HNRNPUL1: variants seen among roughly 807,000 people sequenced by gnomAD.
HNRNPUL1 encodes heterogeneous nuclear ribonucleoprotein U-like protein 1.
In HNRNPUL1, 14 loss-of-function variants were observed where a neutral mutation model predicts 108.5. The observed-to-expected ratio is 0.13, with a 90% CI of 0.09 to 0.20. The LOEUF is 0.20. Among genes scored for constraint, HNRNPUL1 ranks in the 10% least tolerant of loss-of-function variants. The pLI is 1.00. For synonymous variants in HNRNPUL1, 422 were observed against 445.2 expected (o/e 0.95, Z 0.66); for missense variants, 804 against 1,168.3 (o/e 0.69, Z 4.55).
chr19:41,265,407 C>G (rs2034769552), intron 1 of HNRNPUL1: 3 of 1,484,622 alleles, frequency 2.0e-6, no homozygotes, highest in Non-Finnish European at 2.7e-6. Context: ...TCCTAATGGA[C>G]TCAGTGCTTT....
At chr19:41,275,625 C>T (rs1406964602) in intron 4 of HNRNPUL1, among the ~76,000 whole-genome samples, 1 of 152,198 alleles carries the variant, frequency 6.6e-6, no homozygotes, top group East Asian at 1.9e-4. Flanking sequence ...AGATAAAGAA[C>T]CCCAGTTCCT....
At position 41,294,997 on chromosome 19, in the gene HNRNPUL1, G is replaced by C. The variant is rs778498215; in HGVS notation, c.1518+311G>C. Reference sequence around the variant, plus strand: ...GAGACTGGAGCTTGAATGCCAGCTCGGCTACTCCCTAGCTCTGTGCCTTTG... The same window carrying C: ...GAGACTGGAGCTTGAATGCCAGCTCCGCTACTCCCTAGCTCTGTGCCTTTG... On this transcript the variant is annotated intron_variant, in intron 10 of 14. Coordinates refer to ENST00000392006, the MANE Select transcript of HNRNPUL1 (RefSeq NM_007040.6). The surrounding 1 kb of genome is among the most constrained non-coding windows in gnomAD (Gnocchi z 4.3). Among the ~76,000 whole-genome samples the C allele has an allele frequency of 2.6e-5, 4 of 152,142 alleles. No individual in the cohort carries two copies. Among genetic ancestry groups the C allele is most frequent in the Non-Finnish European group, 5.9e-5 (4 of 68,020 alleles).
chr19:41,304,143 C>A lies in HNRNPUL1; in HGVS notation c.2144C>A (p.Pro715His), dbSNP rs1412701173. The A allele has an allele frequency of 6.2e-7, 1 of 1,614,058 alleles. No homozygotes were observed. The highest frequency in any genetic ancestry group is 1.7e-5 in the Admixed American group (1 of 60,004). The change falls in exon 13 of 15, where the codon CCC (proline) becomes CAC (histidine). Residue 715 changes from proline (P) to histidine (H), a missense_variant. By Grantham distance (77) the Pro-to-His change is moderately conservative. Around this residue, in one of 4 missense-constraint regions of HNRNPUL1, gnomAD observed 294 missense variants for 388.3 expected, o/e 0.76. Transcript: ENST00000392006. ...CCACCCCAGCAGCCACCGCCACCAC[C>A]CAGCTACAGCCCTGCTCGGAACCCC... is the stretch of plus-strand genomic sequence containing the variant. ...QPPPQQPPPP[P>H]SYSPARNPPG...
At chr19:41,265,350 G>A in intron 1 of HNRNPUL1, 1 of 1,511,934 alleles carries the variant, frequency 6.6e-7, no homozygotes, top group Non-Finnish European at 8.9e-7. Context: ...TTGGGTACGG[G>A]GGTGGGTGGG....
intron 2 of HNRNPUL1, 150 bp downstream of exon 2, chr19:41,268,495 T>A: frequency 1.2e-6 from 1 of 836,356 alleles, no homozygotes; most frequent in Non-Finnish European, 1.8e-6. Flanking sequence ...AAGAATTGTT[T>A]AAAGGAAAGA....
chr19:41,306,424 T>C, intron 14 of HNRNPUL1, 25 bp from the exon 15 acceptor site: 2 of 1,518,048 alleles, frequency 1.3e-6, no homozygotes, highest in Non-Finnish European at 1.8e-6. Context: ...CAGGACAACT[T>C]GGTGTTCTTG....
At position 41,274,074 on chromosome 19, in the gene HNRNPUL1, C is replaced by T. The variant is rs1377460857; in HGVS notation, c.646+19C>T. 1.2e-6 allele frequency: 2 copies of T among 1,600,758 alleles called. No homozygotes were observed. Among genetic ancestry groups the T allele is most frequent in the South Asian group, 2.2e-5 (2 of 90,790 alleles). On this transcript the variant is annotated intron_variant, in intron 4 of 14. Coordinates refer to ENST00000392006, the MANE Select transcript of HNRNPUL1 (RefSeq NM_007040.6). ...GACACCTGTAAGTCTTTGGAGTGTG[C>T]ATCTAATTCTGCCTTACAGTCAGTA...
chr19:41,305,836 A>G lies in HNRNPUL1; in HGVS notation c.2423A>G (p.Tyr808Cys). The change falls in exon 14 of 15, where the codon TAC becomes TGC. Residue 808 changes from tyrosine to cysteine, a missense_variant. By Grantham distance (194) the Tyr-to-Cys change is radical. This residue lies in a region of HNRNPUL1 where 294 missense variants were observed against 388.3 expected (regional missense o/e 0.76). Transcript: ENST00000392006. ...TPPPPPTAQT[Y>C]PQPSYNQYQQ... Reference sequence around the variant, plus strand: ...CCGCCACCCCCCACTGCACAGACCTACCCTCAGCCCAGCTATAACCAGTAT... The same window carrying G: ...CCGCCACCCCCCACTGCACAGACCTGCCCTCAGCCCAGCTATAACCAGTAT... 6.2e-7 allele frequency: 1 copy of G among 1,607,842 alleles called. No individual in the cohort carries two copies. The highest frequency in any genetic ancestry group is 8.5e-7 in the Non-Finnish European group (1 of 1,177,948).
upstream of HNRNPUL1, among the ~76,000 whole-genome samples, chr19:41,263,451 A>G (rs1425586540): frequency 3.9e-5 from 6 of 152,052 alleles, no homozygotes. Context: ...GGAAGGCTCT[A>G]TGGTCGCGTG....
At position 41,279,300 on chromosome 19, in the gene HNRNPUL1, A is replaced by C. The variant is rs375984685; in HGVS notation, c.886+124A>C. On this transcript the variant is annotated intron_variant, in intron 6 of 14. Transcript: ENST00000392006. ...GAATAGAACTAGGCTGAAGTGGAACAGGTACAAGGATTAGGTATATGCCAC... is the reference window on the plus strand; with the variant it reads ...GAATAGAACTAGGCTGAAGTGGAACCGGTACAAGGATTAGGTATATGCCAC... 2.6e-4 allele frequency: 175 copies of C among 664,524 alleles called. 2 individuals are homozygous for C. In the African/African-American group the frequency reaches 2.9e-3, roughly 11 times the overall value. 41.2% of individuals were successfully genotyped at this position (664,524 alleles called of 1,614,324 possible).
At chr19:41,281,342 T>A in intron 7 of HNRNPUL1, 67 bp downstream of exon 7, 1 of 1,030,848 alleles carries the variant, frequency 9.7e-7, no homozygotes. Flanking sequence ...TTTTTCAGGA[T>A]ACCTCTATCC....
Position 41,284,107 on chromosome 19 carries a change from C to T in HNRNPUL1, c.999+2832C>T, listed in dbSNP as rs561256180. On this transcript the variant is annotated intron_variant, in intron 7 of 14. Transcript: ENST00000392006. ...AATCATGTTACTGCAATATCATAAGCCTTGAGTAGCACCATGGGATCCATA... is the reference window on the plus strand; with the variant it reads ...AATCATGTTACTGCAATATCATAAGTCTTGAGTAGCACCATGGGATCCATA... Among the ~76,000 whole-genome samples the T allele has an allele frequency of 8.5e-5, 13 of 152,212 alleles. No homozygotes were observed. In the South Asian group the frequency reaches 2.5e-3, roughly 29 times the overall value.
chr19:41,302,525 CTA>C, intron 11 of HNRNPUL1, 138 bp from the exon 12 acceptor site: 2 of 1,132,236 alleles, frequency 1.8e-6, no homozygotes, highest in Admixed American at 1.8e-5. Context: ...GCCCTTCTGT[CTA>C]TGTCTTTCTT....
chr19:41,290,122 AGGGAGG>A (rs1477689839), intron 7 of HNRNPUL1, among the ~76,000 whole-genome samples: 1 of 152,154 alleles, frequency 6.6e-6, no homozygotes, highest in African/African-American at 2.4e-5. Context: ...AAGCTCCTCA[AGGGAGG>A]GTGCTTCTGT....
intron 2 of HNRNPUL1, 130 bp downstream of exon 2, chr19:41,268,475 T>A (rs2034998508): frequency 4.2e-6 from 4 of 944,912 alleles, no homozygotes; most frequent in Non-Finnish European, 6.2e-6. Flanking sequence ...CTAAACATTG[T>A]CACTCTGGCA....
intron 14 of HNRNPUL1, 152 bp downstream of exon 14, chr19:41,306,019 C>T (rs2037524944): frequency 4.8e-6 from 3 of 625,232 alleles, no homozygotes; most frequent in Non-Finnish European, 8.5e-6. Flanking sequence ...TCCATTTGGT[C>T]AACACTTCTG....
chr19:41,270,629 T>A (rs2035174757), intron 2 of HNRNPUL1, among the ~76,000 whole-genome samples: 1 of 134,470 alleles, frequency 7.4e-6, no homozygotes, highest in African/African-American at 3.0e-5. Context: ...GGAGTCTCGC[T>A]CTGTTGCCCA....
rs539856058 is a variant in HNRNPUL1, at chr19:41,292,995, C to T, written c.1266+484C>T. On this transcript the variant is annotated intron_variant, in intron 8 of 14. Transcript: ENST00000392006. The surrounding 1 kb of genome is among the most constrained non-coding windows in gnomAD (Gnocchi z 4.1). ...GAGTAGCTGGGACCACAGGTACATGCCACCATGCCAGGCTAACTTTTTTAG... is the reference window on the plus strand; with the variant it reads ...GAGTAGCTGGGACCACAGGTACATGTCACCATGCCAGGCTAACTTTTTTAG... Among the ~76,000 whole-genome samples, 11 of 152,236 alleles carry T rather than the reference C, an allele frequency of 7.2e-5. No homozygotes were observed. The highest frequency in any genetic ancestry group is 2.6e-4 in the African/African-American group (11 of 41,532).
Position 41,276,187 on chromosome 19 carries a change from C to T in HNRNPUL1, c.675C>T (p.Ala225=), listed in dbSNP as rs756140695. ...ACTGCGACCTCCACTTCAAGGTGGC[C>T]CGAGATCGGAGTAGTGGCTATCCGC... ...TYNCDLHFKV[A]RDRSSGYPLT... The change falls in exon 5 of 15, where the codon GCC becomes GCT. Residue 225 remains alanine (A), a synonymous_variant. Transcript: ENST00000392006. 6.2e-7 allele frequency: 1 copy of T among 1,613,850 alleles called. No homozygotes were observed. The highest frequency in any genetic ancestry group is 1.1e-5 in the South Asian group (1 of 91,044).
Sources: gnomAD v4.1 joint callset for allele counts (sites outside exome capture counted in the v4.1 genomes callset) on GRCh38, gnomAD v4.1.1 for gene constraint, gnomAD v4.1.1 regional missense constraint, Gnocchi (gnomAD v3.1) non-coding constraint, MANE v1.5 for transcripts, NCBI Gene and HGNC (gene_info 2026-07-23, HGNC 2026-07-21) for gene names.